MINDY4: variants seen among roughly 807,000 people sequenced by gnomAD.
The protein encoded by MINDY4 is probable ubiquitin carboxyl-terminal hydrolase MINDY-4.
Under a neutral mutation model 87.0 loss-of-function variants are expected in MINDY4, and 68 were observed. That is an observed-to-expected ratio of 0.78 (90% CI 0.64 to 0.96). MINDY4 has a LOEUF of 0.96. Among genes scored for constraint, MINDY4 ranks in the 40% least tolerant of loss-of-function variants. The pLI is 0.00. For synonymous variants in MINDY4, 379 were observed against 363.2 expected, an observed-to-expected ratio of 1.04 and a Z score of -0.50; for missense variants, 919 against 928.2, an observed-to-expected ratio of 0.99 and a Z score of 0.13.
Position 30,817,859 on chromosome 7 carries a change from A to G in MINDY4, c.1074-10820A>G, listed in dbSNP as rs536493503. Reference sequence around the variant, plus strand: ...TAACCCTCTTGTTCATTGCAAAATGATGTTCTGTTTCACGTGGGAGAGTGG... The same window carrying G: ...TAACCCTCTTGTTCATTGCAAAATGGTGTTCTGTTTCACGTGGGAGAGTGG... On this transcript the variant is annotated intron_variant, in intron 5 of 17. Coordinates refer to ENST00000265299, the MANE Select transcript of MINDY4 (RefSeq NM_032222.3). 2.0e-5 allele frequency among the ~76,000 whole-genome samples: 3 copies of G among 152,280 alleles called. No individual in the cohort carries two copies. In the South Asian group the frequency reaches 6.2e-4, roughly 32 times the overall value.
At chr7:30,880,323 C>T (rs952896588) in intron 15 of MINDY4, among the ~76,000 whole-genome samples, 12 of 136,660 alleles carry the variant, frequency 8.8e-5, no homozygotes, top group African/African-American at 2.7e-4. Flanking sequence ...CCCCCGACTG[C>T]GGCCTTGCCC....
chr7:30,871,669 C>T (rs78857886), intron 13 of MINDY4, among the ~76,000 whole-genome samples: 18,861 of 152,204 alleles, frequency 0.12, 2,770 homozygotes, highest in African/African-American at 0.35. Context: ...GGGCACAGGC[C>T]TCAGAGCTGG....
chr7:30,811,382 G>A (rs186223498), intron 5 of MINDY4, among the ~76,000 whole-genome samples: 12 of 152,242 alleles, frequency 7.9e-5, no homozygotes, highest in African/African-American at 2.2e-4. Flanking sequence ...AAGCTTCATC[G>A]CTACCTTCAT....
chr7:30,819,457 ATAT>A (rs1022359457), intron 5 of MINDY4, among the ~76,000 whole-genome samples: 6 of 152,204 alleles, frequency 3.9e-5, no homozygotes, highest in African/African-American at 7.2e-5. Flanking sequence ...TGACAAGAAT[ATAT>A]TATTTAACAG....
chr7:30,839,616 C>T (rs1225229963), intron 8 of MINDY4, among the ~76,000 whole-genome samples: 1 of 152,052 alleles, frequency 6.6e-6, no homozygotes, highest in Non-Finnish European at 1.5e-5. Flanking sequence ...AGTAGGAGGC[C>T]TTCAGTCTGC....
intron 5 of MINDY4, among the ~76,000 whole-genome samples, chr7:30,797,085 T>C (rs1407109116): frequency 6.6e-6 from 1 of 152,190 alleles, no homozygotes; most frequent in Non-Finnish European, 1.5e-5. Flanking sequence ...GAATTGGTCA[T>C]GTTTAGAATA....
chr7:30,882,959 C>T lies in MINDY4; in HGVS notation c.2191C>T (p.Leu731Phe). Residue 731 changes from leucine to phenylalanine, a missense_variant, in exon 17 of 18, where the codon CTT becomes TTT. Physicochemically the swap from Leu to Phe is conservative, Grantham distance 22. Transcript: ENST00000265299. ...QTISEDTDND[L>F]VPPLELCIRT... ...CATCTCTGAGGACACAGACAACGAC[C>T]TTGTCCCACCCCTCGAGCTCTGCAT... The T allele has an allele frequency of 6.2e-7, 1 of 1,614,092 alleles. No homozygotes were observed. The highest frequency in any genetic ancestry group is 8.5e-7 in the Non-Finnish European group (1 of 1,180,000).
At chr7:30,878,405 AC>A (rs1790346594) in intron 15 of MINDY4, among the ~76,000 whole-genome samples, 1 of 151,502 alleles carries the variant, frequency 6.6e-6, no homozygotes, top group South Asian at 2.1e-4. Flanking sequence ...GGAGAAACTC[AC>A]CCCCTGCCAT....
chr7:30,820,368 G>A (rs930372350), intron 5 of MINDY4, among the ~76,000 whole-genome samples: 1 of 150,622 alleles, frequency 6.6e-6, no homozygotes, highest in Non-Finnish European at 1.5e-5. Context: ...CTCTTTTCTT[G>A]CTTTCTTATT....
At chr7:30,811,312 A>G (rs1787989770) in intron 5 of MINDY4, among the ~76,000 whole-genome samples, 1 of 152,262 alleles carries the variant, frequency 6.6e-6, no homozygotes, top group African/African-American at 2.4e-5. Flanking sequence ...GAGTTATAAT[A>G]GTAATAGAAA....
rs376907623 is a variant in MINDY4, at chr7:30,819,994, T to C, written c.1074-8685T>C. ...TCGGCTCACTGCAAGCTCCGCCTCC[T>C]GGGTTCACGCCATTCTCCTGCCTCA... is the stretch of plus-strand genomic sequence containing the variant. On this transcript the variant is annotated intron_variant, in intron 5 of 17. Coordinates refer to ENST00000265299, the MANE Select transcript of MINDY4 (RefSeq NM_032222.3). Among the ~76,000 whole-genome samples the C allele has an allele frequency of 8.7e-3, 1,238 of 141,964 alleles. 17 individuals carry two copies. Among genetic ancestry groups the C allele is most frequent in the African/African-American group, 0.031 (1,176 of 37,788 alleles). 93.1% of individuals were successfully genotyped at this position (141,964 alleles called of 152,430 possible).
chr7:30,844,141 A>G (rs531434401), intron 9 of MINDY4, among the ~76,000 whole-genome samples: 198 of 152,234 alleles, frequency 1.3e-3, no homozygotes, highest in African/African-American at 4.3e-3. Flanking sequence ...CTGCTGCCCC[A>G]TCACAGAGGT....
chr7:30,805,959 C>T (rs926644803), intron 5 of MINDY4, among the ~76,000 whole-genome samples: 3 of 152,008 alleles, frequency 2.0e-5, no homozygotes, highest in African/African-American at 2.4e-5. Context: ...GGGTGGGGCC[C>T]GGAAGGGGAC....
At chr7:30,826,889 C>T (rs1788531311) in intron 5 of MINDY4, among the ~76,000 whole-genome samples, 1 of 152,150 alleles carries the variant, frequency 6.6e-6, no homozygotes, top group Non-Finnish European at 1.5e-5. Flanking sequence ...TATTGGCATT[C>T]TTGCTGTTAT....
intron 5 of MINDY4, among the ~76,000 whole-genome samples, chr7:30,815,520 G>A (rs559201621): frequency 3.3e-5 from 5 of 152,312 alleles, no homozygotes; most frequent in South Asian, 4.1e-4. Context: ...CAGTAGCCAC[G>A]GGCTAGTGTG....
chr7:30,778,326 T>C, intron 1 of MINDY4, 106 bp from the exon 2 acceptor site: 1 of 1,403,616 alleles, frequency 7.1e-7, no homozygotes, highest in Non-Finnish European at 1.0e-6. Flanking sequence ...GTAAAGGTTA[T>C]ATGAGAATTA....
chr7:30,801,190 A>T (rs765236960), intron 5 of MINDY4, among the ~76,000 whole-genome samples: 27 of 152,200 alleles, frequency 1.8e-4, no homozygotes, highest in Non-Finnish European at 2.4e-4. Context: ...CGGTTCATTG[A>T]CTGTTCCCTG....
At chr7:30,865,381 A>G (rs892946194) in intron 13 of MINDY4, among the ~76,000 whole-genome samples, 3 of 152,244 alleles carry the variant, frequency 2.0e-5, no homozygotes, top group Middle Eastern at 3.2e-3. Flanking sequence ...ATTTTCAGCA[A>G]TGTCTCAAGA....
chr7:30,790,262 G>C (rs28631674), intron 4 of MINDY4, among the ~76,000 whole-genome samples: 7,905 of 152,070 alleles, frequency 0.052, 360 homozygotes, highest in East Asian at 0.21. Flanking sequence ...GAAGTACAGT[G>C]CATGAGCCAC....
Sources: allele counts gnomAD v4.1 joint callset (sites outside exome capture counted in the v4.1 genomes callset), GRCh38; gene constraint gnomAD v4.1.1; transcripts MANE v1.5; gene names NCBI Gene and HGNC (gene_info 2026-07-23, HGNC 2026-07-21).